PDE1C: variants seen among roughly 807,000 people sequenced by gnomAD.
PDE1C encodes the protein phosphodiesterase 1C, also known as dual specificity calcium/calmodulin-dependent 3',5'-cyclic nucleotide phosphodiesterase 1C.
In PDE1C, 62 loss-of-function variants were observed where a neutral mutation model predicts 93.1. The ratio of observed to expected loss-of-function variants is 0.67; its 90% CI spans 0.54 to 0.82. The LOEUF (loss-of-function observed/expected upper bound fraction) is 0.82. Among genes scored for constraint, PDE1C ranks in the 40% least tolerant of loss-of-function variants. The pLI is 0.00. For synonymous variants in PDE1C, 325 were observed against 310.1 expected, an observed-to-expected ratio of 1.05 and a Z score of -0.50; for missense variants, 742 against 884.6, an observed-to-expected ratio of 0.84 and a Z score of 2.04.
chr7:31,622,245 C>T, the PDE1C span, among the ~76,000 whole-genome samples: 20 of 148,682 alleles, frequency 1.3e-4, no homozygotes, highest in Non-Finnish European at 2.4e-4. Flanking sequence ...CAGCTCTGCA[C>T]CAAGCGGACC....
At chr7:32,179,863 T>A (rs1408192790) in intron 2 of PDE1C, among the ~76,000 whole-genome samples, 1 of 151,918 alleles carries the variant, frequency 6.6e-6, no homozygotes, top group East Asian at 1.9e-4. Flanking sequence ...AAATTTAGAG[T>A]CCTGAGAAGC....
chr7:31,704,459 T>A, the PDE1C span, among the ~76,000 whole-genome samples: 1 of 152,182 alleles, frequency 6.6e-6, no homozygotes, highest in East Asian at 1.9e-4. Context: ...TTCCCTAAAC[T>A]CTTCTGTATA....
At chr7:32,195,405 T>G (rs1272467710) in intron 2 of PDE1C, among the ~76,000 whole-genome samples, 1 of 152,212 alleles carries the variant, frequency 6.6e-6, no homozygotes, top group Admixed American at 6.5e-5. Context: ...GAGGGGATTC[T>G]AGGTTGACAG....
rs1206232471 is a variant in PDE1C at position 31,877,153 on chromosome 7, T to C, written c.492+817A>G. On this transcript the variant is annotated intron_variant, in intron 5 of 17. Transcript: ENST00000396191. ...AAGTCCATACATAGACAACATGTGA[T>C]GTCAACAAACTCAGTGATCTTGGGC... is the stretch of plus-strand genomic sequence containing the variant. Among the ~76,000 whole-genome samples, 3 of 152,224 alleles carry C rather than the reference T, an allele frequency of 2.0e-5. No homozygotes were observed. In the East Asian group the frequency reaches 5.8e-4, roughly 29 times the overall value.
intron 1 of PDE1C, among the ~76,000 whole-genome samples, chr7:32,262,796 G>T (rs920447338): frequency 5.3e-5 from 8 of 152,172 alleles, no homozygotes; most frequent in African/African-American, 1.9e-4. Flanking sequence ...TTTGGAATAA[G>T]ATTAAAGTTG....
chr7:31,963,796 G>A (rs1339295157), intron 2 of PDE1C, among the ~76,000 whole-genome samples: 2 of 152,298 alleles, frequency 1.3e-5, no homozygotes, highest in African/African-American at 4.8e-5. Context: ...ATTGAATTAG[G>A]CTAGAGAGGG....
intron 2 of PDE1C, among the ~76,000 whole-genome samples, chr7:31,895,168 G>A (rs971043201): frequency 1.3e-5 from 2 of 152,146 alleles, no homozygotes; most frequent in African/African-American, 4.8e-5. Flanking sequence ...GCCCTGCAAA[G>A]GGACAGGAAG....
intron 1 of PDE1C, among the ~76,000 whole-genome samples, chr7:32,067,148 C>T (rs1584681298): frequency 6.6e-6 from 1 of 152,182 alleles, no homozygotes; most frequent in East Asian, 1.9e-4. Context: ...GTTTAAAACT[C>T]ACATCTCCAA....
the PDE1C span, among the ~76,000 whole-genome samples, chr7:31,632,661 A>G: frequency 6.6e-6 from 1 of 152,140 alleles, no homozygotes; most frequent in East Asian, 1.9e-4. Flanking sequence ...GGCTGTGTGT[A>G]TGGAAGTGAA....
At chr7:32,355,948 T>C (rs73312907) in intron 1 of PDE1C, among the ~76,000 whole-genome samples, 13,474 of 152,268 alleles carry the variant, frequency 0.088, 687 homozygotes, top group East Asian at 0.13. Flanking sequence ...AATGTTAAAG[T>C]ATAATCCATT....
At chr7:31,630,242 G>C in the PDE1C span, among the ~76,000 whole-genome samples, 1 of 25,698 alleles carries the variant, frequency 3.9e-5, no homozygotes, top group Non-Finnish European at 9.6e-5. Context: ...GAGTCTACTT[G>C]GCAAAAAAAA....
chr7:31,990,780 A>T lies in PDE1C; in HGVS notation c.128+60774T>A, dbSNP rs1464148122. Among the ~76,000 whole-genome samples the T allele has an allele frequency of 2.0e-5, 3 of 152,340 alleles. No individual in the cohort carries two copies. In the East Asian group the frequency reaches 5.8e-4, roughly 29 times the overall value. On this transcript the variant is annotated intron_variant, in intron 2 of 17. Coordinates refer to ENST00000396191, the MANE Select transcript of PDE1C (RefSeq NM_001191057.4). Reference sequence around the variant, plus strand: ...AAACTTAATTCAGCTTCAAGATTAAATTATCCTCTGCTGGAGATTCACATA... The same window carrying T: ...AAACTTAATTCAGCTTCAAGATTAATTTATCCTCTGCTGGAGATTCACATA...
At chr7:32,271,736 A>G (rs1408665387) in intron 1 of PDE1C, among the ~76,000 whole-genome samples, 2 of 152,180 alleles carry the variant, frequency 1.3e-5, no homozygotes, top group African/African-American at 4.8e-5. Context: ...ACATTATGAT[A>G]ATAATAATAA....
chr7:31,983,129 G>C (rs1178062965), intron 2 of PDE1C, among the ~76,000 whole-genome samples: 1 of 152,154 alleles, frequency 6.6e-6, no homozygotes, highest in East Asian at 1.9e-4. Context: ...AACTATCCTT[G>C]TCATACTCTC....
At chr7:31,899,207 T>C (rs539302994) in intron 2 of PDE1C, among the ~76,000 whole-genome samples, 1 of 148,592 alleles carries the variant, frequency 6.7e-6, no homozygotes, top group Non-Finnish European at 1.5e-5. Context: ...GGCGCACTCT[T>C]GGCTCACTGC....
intron 2 of PDE1C, among the ~76,000 whole-genome samples, chr7:31,899,132 C>CTTTTTTTTTTT (rs386409838): frequency 2.4e-5 from 2 of 85,018 alleles, no homozygotes; most frequent in Non-Finnish European, 4.5e-5. Flanking sequence ...GGCAGTCCCA[C>CTTTTTTTTTTT]TTTTTTTTTT....
At chr7:32,054,823 G>A (rs1478591596) in intron 1 of PDE1C, among the ~76,000 whole-genome samples, 2 of 152,164 alleles carry the variant, frequency 1.3e-5, no homozygotes, top group Admixed American at 1.3e-4. Context: ...AGCTCTTAAA[G>A]CACAAGAGAA....
chr7:32,252,475 A>G (rs1809463156), intron 1 of PDE1C, among the ~76,000 whole-genome samples: 1 of 152,238 alleles, frequency 6.6e-6, no homozygotes, highest in African/African-American at 2.4e-5. Context: ...GGAAAGGGAT[A>G]CTTTTTTGAG....
chr7:31,801,337 C>T (rs1355794661), intron 16 of PDE1C, among the ~76,000 whole-genome samples: 4 of 151,234 alleles, frequency 2.6e-5, no homozygotes, highest in Admixed American at 6.6e-5. Context: ...TACAAACATC[C>T]TTTCAATTTA....
Sources: gnomAD v4.1 joint callset for allele counts (sites outside exome capture counted in the v4.1 genomes callset) on GRCh38, gnomAD v4.1.1 for gene constraint, MANE v1.5 for transcripts, NCBI Gene and HGNC (gene_info 2026-07-23, HGNC 2026-07-21) for gene names.